Variants in NCKAP5 observed in about 807,000 individuals in gnomAD.
NCKAP5 encodes the protein NCK associated protein 5, also known as nck-associated protein 5.
In NCKAP5, 92 loss-of-function variants were observed where a neutral mutation model predicts 167.0. That is an observed-to-expected ratio of 0.55 (90% CI 0.47 to 0.66). The LOEUF (loss-of-function observed/expected upper bound fraction) is 0.66. NCKAP5 is among the 30% of genes least tolerant of loss of function. The pLI is 0.00. For missense variants in NCKAP5, 2,378 were observed against 2,315.0 expected, an observed-to-expected ratio of 1.03 and a Z score of -0.56; for synonymous variants, 891 against 877.4, an observed-to-expected ratio of 1.02 and a Z score of -0.27.
chr2:132,978,718 C>T (rs573912124), intron 7 of NCKAP5, among the ~76,000 whole-genome samples: 9 of 152,138 alleles, frequency 5.9e-5, no homozygotes, highest in Non-Finnish European at 1.5e-5. Flanking sequence ...GGAAACATGG[C>T]CTGTGGTCTT....
At chr2:133,496,854 C>T (rs768662498) in intron 3 of NCKAP5, among the ~76,000 whole-genome samples, 12 of 152,096 alleles carry the variant, frequency 7.9e-5, no homozygotes, top group Non-Finnish European at 1.6e-4. Context: ...TTAAAAAAAA[C>T]TTCCCAAGTA....
At chr2:133,344,662 A>G (rs900672961) in intron 3 of NCKAP5, among the ~76,000 whole-genome samples, 2 of 152,098 alleles carry the variant, frequency 1.3e-5, no homozygotes, top group African/African-American at 4.8e-5. Flanking sequence ...TACATTTGTG[A>G]GGTAGACTTA....
chr2:133,348,093 G>T (rs546011462), intron 3 of NCKAP5, among the ~76,000 whole-genome samples: 81 of 152,164 alleles, frequency 5.3e-4, no homozygotes, highest in Middle Eastern at 3.4e-3. Flanking sequence ...TACCTATGAG[G>T]ATCCCTGTTT....
intron 3 of NCKAP5, among the ~76,000 whole-genome samples, chr2:133,311,415 TC>T (rs1362908668): frequency 2.6e-5 from 4 of 152,180 alleles, no homozygotes; most frequent in Non-Finnish European, 4.4e-5. Context: ...TCCAGGAACT[TC>T]CATGAGTTCA....
chr2:133,322,145 G>C (rs1322485237), intron 3 of NCKAP5, among the ~76,000 whole-genome samples: 2 of 152,146 alleles, frequency 1.3e-5, no homozygotes, highest in Non-Finnish European at 2.9e-5. Context: ...TTAGCAGAAA[G>C]GCTAATAGAT....
In NCKAP5 at chr2:132,978,388, C is replaced by T. The variant is rs138453122; in HGVS notation, c.430-14519G>A. 9.1e-4 allele frequency among the ~76,000 whole-genome samples: 139 copies of T among 152,310 alleles called. 1 individual carries two copies. Among genetic ancestry groups the T allele is most frequent in the African/African-American group, 3.2e-3 (131 of 41,576 alleles). ...AGGGAGGGGAAAGTAGAAAACTGAG[C>T]ATCCACTGAGCTGGATGCTGGTTCC... On this transcript the variant is annotated intron_variant, in intron 7 of 19. Coordinates refer to ENST00000409261, the MANE Select transcript of NCKAP5 (RefSeq NM_207363.3).
chr2:132,835,537 C>A (rs936137909), intron 11 of NCKAP5, among the ~76,000 whole-genome samples: 2 of 151,530 alleles, frequency 1.3e-5, no homozygotes, highest in Non-Finnish European at 2.9e-5. Context: ...TTTCTAATGT[C>A]ATTTATCTGA....
At chr2:132,779,600 G>GAAA (rs57361647) in intron 15 of NCKAP5, among the ~76,000 whole-genome samples, 1 of 91,354 alleles carries the variant, frequency 1.1e-5, no homozygotes. Context: ...ATGAGGGAAA[G>GAAA]AAAAAAAAAA....
chr2:132,863,746 C>T (rs1300957647), intron 10 of NCKAP5, among the ~76,000 whole-genome samples: 1 of 152,156 alleles, frequency 6.6e-6, no homozygotes, highest in Non-Finnish European at 1.5e-5. Context: ...AGGAAAGAAT[C>T]GCTTGCGTTG....
At chr2:132,953,922 A>G (rs556994662) in intron 8 of NCKAP5, among the ~76,000 whole-genome samples, 2 of 152,278 alleles carry the variant, frequency 1.3e-5, no homozygotes, top group African/African-American at 4.8e-5. Flanking sequence ...TGGGATGACT[A>G]GGAAAGAGAC....
At chr2:132,834,865 T>G (rs1687777337) in intron 11 of NCKAP5, among the ~76,000 whole-genome samples, 2 of 152,178 alleles carry the variant, frequency 1.3e-5, no homozygotes, top group South Asian at 4.1e-4. Context: ...ATAGGAGTTA[T>G]GAAAGTGGGT....
the NCKAP5 span, among the ~76,000 whole-genome samples, chr2:133,587,498 T>G: frequency 6.6e-6 from 1 of 152,238 alleles, no homozygotes; most frequent in African/African-American, 2.4e-5. Flanking sequence ...AAAGCATTGA[T>G]GCAGATGACA....
At chr2:133,439,565 T>C (rs1435209802) in intron 3 of NCKAP5, among the ~76,000 whole-genome samples, 1 of 152,216 alleles carries the variant, frequency 6.6e-6, no homozygotes, top group African/African-American at 2.4e-5. Flanking sequence ...TTGTGTGACC[T>C]TGAACATCAG....
chr2:133,521,184 G>C (rs567511932), intron 2 of NCKAP5, among the ~76,000 whole-genome samples: 1 of 152,170 alleles, frequency 6.6e-6, no homozygotes, highest in Admixed American at 6.5e-5. Context: ...GCAGATCCAG[G>C]GGGGAAATGA....
intron 5 of NCKAP5, among the ~76,000 whole-genome samples, chr2:133,155,248 G>A (rs1056063366): frequency 5.9e-5 from 9 of 152,214 alleles, no homozygotes; most frequent in Non-Finnish European, 1.0e-4. Context: ...ACCAGGGAGG[G>A]AGGAGTTTTA....
At chr2:133,276,756 G>T (rs568200336) in intron 4 of NCKAP5, among the ~76,000 whole-genome samples, 2 of 152,100 alleles carry the variant, frequency 1.3e-5, no homozygotes, top group South Asian at 4.1e-4. Flanking sequence ...AAATGACAGG[G>T]TGATGTCACT....
At chr2:133,259,332 T>C (rs1168460309) in intron 4 of NCKAP5, among the ~76,000 whole-genome samples, 2 of 152,216 alleles carry the variant, frequency 1.3e-5, no homozygotes, top group African/African-American at 2.4e-5. Flanking sequence ...AAATTTTAAG[T>C]TCCTTGAAGG....
intron 16 of NCKAP5, among the ~76,000 whole-genome samples, chr2:132,748,814 C>T (rs112745638): frequency 0.12 from 18,658 of 151,260 alleles, 1,305 homozygotes; most frequent in East Asian, 0.3. Flanking sequence ...GACGGATTCT[C>T]ACTCTGTCAC....
Position 133,125,731 on chromosome 2 carries a change from C to T in NCKAP5, c.341+4247G>A, listed in dbSNP as rs143164560. Among the ~76,000 whole-genome samples the T allele has an allele frequency of 6.2e-3, 944 of 152,258 alleles. 3 individuals carry two copies. Among genetic ancestry groups the T allele is most frequent in the African/African-American group, 0.021 (889 of 41,532 alleles). On this transcript the variant is annotated intron_variant, in intron 6 of 19. Coordinates refer to ENST00000409261, the MANE Select transcript of NCKAP5 (RefSeq NM_207363.3). ...AAGTACCTTTCTTTATCCATATTTA[C>T]ATTAAAGAATGTAAATGGTCTGAAC...
Sources: allele counts gnomAD v4.1 joint callset (sites outside exome capture counted in the v4.1 genomes callset), GRCh38; gene constraint gnomAD v4.1.1; transcripts MANE v1.5; gene names NCBI Gene and HGNC (gene_info 2026-07-23, HGNC 2026-07-21).